The following PTPN9 variants were observed in gnomAD, a reference collection of about 807,000 sequenced individuals.
PTPN9 encodes the protein protein tyrosine phosphatase non-receptor type 9.
A neutral mutation model predicts 69.8 loss-of-function variants in PTPN9; 26 were observed. The ratio of observed to expected loss-of-function variants is 0.37; its 90% CI spans 0.27 to 0.52. PTPN9 has a LOEUF of 0.52. Among genes scored for constraint, PTPN9 ranks in the 20% least tolerant of loss-of-function variants. The pLI, the probability that PTPN9 is intolerant of heterozygous loss-of-function variation, is 0.91. For synonymous variants in PTPN9, 274 were observed against 272.5 expected (o/e 1.01, Z -0.05); for missense variants, 549 against 740.3 (o/e 0.74, Z 3.00).
chr15:75,574,719 T>C (rs1003828497), intron 1 of PTPN9, among the ~76,000 whole-genome samples: 2 of 151,782 alleles, frequency 1.3e-5, no homozygotes. Context: ...GGTGGGTGAA[T>C]TGCCTGAGGT....
chr15:75,525,590 A>T (rs1182251592), intron 2 of PTPN9, among the ~76,000 whole-genome samples: 1 of 151,212 alleles, frequency 6.6e-6, no homozygotes, highest in African/African-American at 2.4e-5. Flanking sequence ...AAAAAATATT[A>T]TCTTGGTTTG....
intron 2 of PTPN9, among the ~76,000 whole-genome samples, chr15:75,524,910 A>C (rs542142761): frequency 3.3e-5 from 5 of 151,550 alleles, no homozygotes; most frequent in Non-Finnish European, 5.9e-5. Context: ...AAGCTACTTT[A>C]TCAGCCCCTC....
intron 6 of PTPN9, among the ~76,000 whole-genome samples, chr15:75,508,039 C>CAAAAAAAAAAAAAA (rs990909256): frequency 2.7e-5 from 1 of 37,380 alleles, no homozygotes; most frequent in Non-Finnish European, 4.9e-5. Context: ...GAGACACTCT[C>CAAAAAAAAAAAAAA]AAAAAAAAAA....
chr15:75,472,879 C>T (rs1249120900), intron 10 of PTPN9, among the ~76,000 whole-genome samples: 2 of 150,886 alleles, frequency 1.3e-5, no homozygotes, highest in Admixed American at 6.6e-5. Flanking sequence ...ACCTGGGAGA[C>T]GGAAGTTACA....
chr15:75,578,603 G>T, intron 1 of PTPN9, 111 bp downstream of exon 1: 1 of 907,634 alleles, frequency 1.1e-6, no homozygotes, highest in Non-Finnish European at 1.4e-6. Context: ...GGGCACGGGA[G>T]CGGGGGGCTG....
intron 7 of PTPN9, among the ~76,000 whole-genome samples, chr15:75,496,384 T>A (rs2074741671): frequency 6.6e-6 from 1 of 152,080 alleles, no homozygotes; most frequent in South Asian, 2.1e-4. Flanking sequence ...ACAATGACGA[T>A]TCAATTTAAG....
chr15:75,548,375 C>T (rs1362288401), intron 1 of PTPN9, among the ~76,000 whole-genome samples: 1 of 151,872 alleles, frequency 6.6e-6, no homozygotes, highest in Non-Finnish European at 1.5e-5. Flanking sequence ...CCTGCCTCAG[C>T]CTCCCAAGTA....
chr15:75,522,169 G>C (rs1376092145), intron 4 of PTPN9, among the ~76,000 whole-genome samples: 1 of 152,148 alleles, frequency 6.6e-6, no homozygotes, highest in African/African-American at 2.4e-5. Flanking sequence ...GAACCAGCTG[G>C]ACTAACATAT....
chr15:75,562,667 T>TA (rs947088548), intron 1 of PTPN9, among the ~76,000 whole-genome samples: 9 of 151,216 alleles, frequency 6.0e-5, no homozygotes, highest in Non-Finnish European at 1.3e-4. Flanking sequence ...CCATCTCTAC[T>TA]AAAAAATACA....
intron 2 of PTPN9, among the ~76,000 whole-genome samples, chr15:75,524,961 C>G (rs2074921230): frequency 6.6e-6 from 1 of 151,970 alleles, no homozygotes; most frequent in South Asian, 2.1e-4. Flanking sequence ...AACCCTAACC[C>G]TGAAGAGTAA....
intron 9 of PTPN9, among the ~76,000 whole-genome samples, chr15:75,476,890 A>G (rs1160367271): frequency 6.6e-6 from 1 of 152,162 alleles, no homozygotes; most frequent in African/African-American, 2.4e-5. Context: ...CATTCAGACC[A>G]CTGGCAGAAT....
chr15:75,515,542 G>T (rs1012578150), intron 5 of PTPN9, among the ~76,000 whole-genome samples: 1 of 152,026 alleles, frequency 6.6e-6, no homozygotes, highest in Non-Finnish European at 1.5e-5. Context: ...CCAAGGAGGC[G>T]GTACTGCTTG....
intron 1 of PTPN9, among the ~76,000 whole-genome samples, chr15:75,567,316 C>G (rs886818578): frequency 2.6e-5 from 4 of 151,926 alleles, no homozygotes; most frequent in African/African-American, 7.3e-5. Context: ...CCGCGCCCAG[C>G]CTTAAATAGC....
intron 1 of PTPN9, among the ~76,000 whole-genome samples, chr15:75,565,965 T>C (rs570867007): frequency 6.6e-6 from 1 of 152,356 alleles, no homozygotes; most frequent in African/African-American, 2.4e-5. Flanking sequence ...AAATCTTTTA[T>C]TTCAATGCTA....
Position 75,473,782 on chromosome 15 carries a change from G to A in PTPN9, c.1130-15C>T. On this transcript the variant is annotated splice_polypyrimidine_tract_variant and intron_variant, in intron 9 of 12. Transcript: ENST00000618819. ...CTCCAAAGGACCTGAAATAAAAGGA[G>A]AAGACAAGAAACATGACTCTGGGAA... 6.5e-7 allele frequency: 1 copy of A among 1,538,274 alleles called. No individual in the cohort carries two copies. The highest frequency in any genetic ancestry group is 9.0e-7 in the Non-Finnish European group (1 of 1,112,030).
At chr15:75,524,117 T>TAAAA (rs34132149) in intron 3 of PTPN9, 92 bp downstream of exon 3, 41 of 331,180 alleles carry the variant, frequency 1.2e-4, no homozygotes, top group Non-Finnish European at 1.4e-4. Flanking sequence ...ATAATAAAAT[T>TAAAA]AAAAAAAAAA....
intron 6 of PTPN9, among the ~76,000 whole-genome samples, chr15:75,507,430 C>T (rs895095112): frequency 8.2e-6 from 1 of 121,434 alleles, no homozygotes; most frequent in Non-Finnish European, 1.6e-5. Context: ...TCAGCGACAA[C>T]AGCAAAACTC....
rs1567533120 is a variant in PTPN9 at position 75,575,010 on chromosome 15, G to GTTTTTTTTTTTTTTTT, written c.63+3703_63+3704insAAAAAAAAAAAAAAAA. On this transcript the variant is annotated intron_variant, in intron 1 of 12. Coordinates refer to ENST00000618819, the MANE Select transcript of PTPN9 (RefSeq NM_002833.4). ...TTTTTTTTTTTTTTTTTGAGACAGA[G>GTTTTTTTTTTTTTTTT]GAGACGGAGTCTCGCTCTGTCGGCG... 1.3e-4 allele frequency among the ~76,000 whole-genome samples: 2 copies of GTTTTTTTTTTTTTTTT among 15,768 alleles called. 1 individual carries two copies. Among genetic ancestry groups the GTTTTTTTTTTTTTTTT allele is most frequent in the Non-Finnish European group, 1.7e-4 (2 of 12,054 alleles). 10.3% of individuals were successfully genotyped at this position (15,768 alleles called of 152,430 possible).
intron 1 of PTPN9, among the ~76,000 whole-genome samples, chr15:75,541,622 G>T (rs1032843713): frequency 6.6e-6 from 1 of 151,760 alleles, no homozygotes; most frequent in Admixed American, 6.6e-5. Flanking sequence ...TAGCCAGGAT[G>T]GTCTTGATCT....
Sources: gnomAD v4.1 joint callset for allele counts (sites outside exome capture counted in the v4.1 genomes callset) on GRCh38, gnomAD v4.1.1 for gene constraint, MANE v1.5 for transcripts, NCBI Gene and HGNC (gene_info 2026-07-23, HGNC 2026-07-21) for gene names.